The following DMRT1 variants were observed in gnomAD, a reference collection of about 807,000 sequenced individuals.
DMRT1 encodes doublesex- and mab-3-related transcription factor 1.
DMRT1 carries 7 observed loss-of-function variants against 32.3 expected under a neutral mutation model. The ratio of observed to expected loss-of-function variants is 0.22; its 90% CI spans 0.12 to 0.41. DMRT1 has a LOEUF of 0.41. Among genes scored for constraint, DMRT1 ranks in the 10% least tolerant of loss-of-function variants. DMRT1 has a pLI of 1.00. For missense variants in DMRT1, 625 were observed against 500.5 expected, an observed-to-expected ratio of 1.25 and a Z score of -2.37; for synonymous variants, 278 against 206.1, an observed-to-expected ratio of 1.35 and a Z score of -2.99.
intron 4 of DMRT1, among the ~76,000 whole-genome samples, chr9:962,541 G>A (rs1351107874): frequency 3.3e-5 from 5 of 151,042 alleles, no homozygotes; most frequent in Non-Finnish European, 7.4e-5. Flanking sequence ...GGTCCAGGAG[G>A]GCTTGGGTGG....
intron 4 of DMRT1, among the ~76,000 whole-genome samples, chr9:956,691 G>T (rs780257470): frequency 6.6e-6 from 1 of 152,162 alleles, no homozygotes; most frequent in Admixed American, 6.5e-5. Flanking sequence ...GCAAATGCTG[G>T]AAGAAGCCAA....
At chr9:880,240 G>T (rs1396864159) in intron 2 of DMRT1, among the ~76,000 whole-genome samples, 2 of 152,170 alleles carry the variant, frequency 1.3e-5, no homozygotes, top group African/African-American at 4.8e-5. Context: ...TTGGTGTGCA[G>T]AAAGGCTGTG....
intron 4 of DMRT1, among the ~76,000 whole-genome samples, chr9:949,228 T>C (rs1194818526): frequency 2.0e-5 from 3 of 152,048 alleles, no homozygotes; most frequent in African/African-American, 7.2e-5. Flanking sequence ...TTAGCTGGCA[T>C]GGTGACGTAT....
intron 4 of DMRT1, among the ~76,000 whole-genome samples, chr9:951,672 A>G (rs965901409): frequency 6.6e-6 from 1 of 152,246 alleles, no homozygotes; most frequent in African/African-American, 2.4e-5. Context: ...CAATATACTT[A>G]AAGAATAAAA....
intron 4 of DMRT1, among the ~76,000 whole-genome samples, chr9:932,599 A>T (rs547964630): frequency 6.6e-6 from 1 of 152,106 alleles, no homozygotes; most frequent in African/African-American, 2.4e-5. Context: ...ATTCAATTCA[A>T]TTCTGACACT....
At chr9:861,217 T>G (rs1194330138) in intron 2 of DMRT1, among the ~76,000 whole-genome samples, 1 of 152,088 alleles carries the variant, frequency 6.6e-6, no homozygotes, top group Non-Finnish European at 1.5e-5. Flanking sequence ...GCCTTCCGTC[T>G]TCTGCAGTGT....
intron 2 of DMRT1, among the ~76,000 whole-genome samples, chr9:881,525 A>G (rs1297638307): frequency 6.6e-6 from 1 of 152,188 alleles, no homozygotes; most frequent in Non-Finnish European, 1.5e-5. Flanking sequence ...AAACTTAAAC[A>G]TGTATCTTTG....
intron 2 of DMRT1, among the ~76,000 whole-genome samples, chr9:886,413 C>G (rs902803604): frequency 6.6e-6 from 1 of 152,156 alleles, no homozygotes; most frequent in Non-Finnish European, 1.5e-5. Context: ...GGGCCAGATA[C>G]ACGCCCGGCT....
chr9:881,073 G>C (rs545632445), intron 2 of DMRT1, among the ~76,000 whole-genome samples: 4 of 152,202 alleles, frequency 2.6e-5, no homozygotes, highest in African/African-American at 9.6e-5. Flanking sequence ...ACGCAAAGTG[G>C]TCTGGGGTGT....
intron 4 of DMRT1, among the ~76,000 whole-genome samples, chr9:933,214 G>T (rs145001194): frequency 6.6e-6 from 1 of 152,260 alleles, no homozygotes; most frequent in Non-Finnish European, 1.5e-5. Context: ...ACCACGCCCC[G>T]GTGAGAGCTC....
chr9:842,308 C>T, intron 1 of DMRT1, 116 bp downstream of exon 1: 1 of 1,329,804 alleles, frequency 7.5e-7, no homozygotes, highest in Non-Finnish European at 1.0e-6. Context: ...GATCTTGGCT[C>T]ACTGCAACCT....
chr9:849,649 C>T (rs1217556662), intron 2 of DMRT1, among the ~76,000 whole-genome samples: 1 of 152,186 alleles, frequency 6.6e-6, no homozygotes, highest in Admixed American at 6.5e-5. Flanking sequence ...TAACCAGAGT[C>T]CCTTCCTCAC....
At chr9:863,946 T>G (rs970217911) in intron 2 of DMRT1, among the ~76,000 whole-genome samples, 1 of 152,130 alleles carries the variant, frequency 6.6e-6, no homozygotes, top group Non-Finnish European at 1.5e-5. Flanking sequence ...CTTTTTGATA[T>G]GAGGTGCAAG....
intron 4 of DMRT1, among the ~76,000 whole-genome samples, chr9:932,104 A>T (rs1269385461): frequency 2.0e-5 from 3 of 151,970 alleles, no homozygotes; most frequent in Admixed American, 6.6e-5. Flanking sequence ...GGTCACTCAC[A>T]CCCCACTCAC....
chr9:894,596 G>T, intron 3 of DMRT1: 1 of 305,304 alleles, frequency 3.3e-6, no homozygotes, highest in Non-Finnish European at 6.3e-6. Flanking sequence ...ACTTTCGTTG[G>T]GCACCTTAGA....
At chr9:847,666 TAGAC>T (rs5895864) in intron 2 of DMRT1, among the ~76,000 whole-genome samples, 58,722 of 151,818 alleles carry the variant, frequency 0.39, 13,414 homozygotes, top group Non-Finnish European at 0.52. Flanking sequence ...ACCTGAGACA[TAGAC>T]AGTTATGGGA....
chr9:953,853 T>C (rs568934943), intron 4 of DMRT1, among the ~76,000 whole-genome samples: 16 of 152,364 alleles, frequency 1.1e-4, no homozygotes, highest in Admixed American at 9.1e-4. Context: ...CATGTAAGTC[T>C]TTTAACTAGT....
chr9:860,284 G>A (rs1009943131), intron 2 of DMRT1, among the ~76,000 whole-genome samples: 1 of 152,102 alleles, frequency 6.6e-6, no homozygotes, highest in Admixed American at 6.6e-5. Flanking sequence ...GCGACAGAGC[G>A]AGACTCTGTC....
chr9:922,682 G>C (rs1295758620), intron 4 of DMRT1, among the ~76,000 whole-genome samples: 1 of 152,194 alleles, frequency 6.6e-6, no homozygotes, highest in East Asian at 1.9e-4. Flanking sequence ...AGTTAGAAAT[G>C]GTGCCTTATT....
Sources: gnomAD v4.1 joint callset for allele counts (sites outside exome capture counted in the v4.1 genomes callset) on GRCh38, gnomAD v4.1.1 for gene constraint, MANE v1.5 for transcripts, NCBI Gene and HGNC (gene_info 2026-07-23, HGNC 2026-07-21) for gene names.